FBN1: variants seen among roughly 807,000 people sequenced by gnomAD.
FBN1 encodes fibrillin-1.
FBN1 carries 29 observed loss-of-function variants against 365.1 expected under a neutral mutation model. The ratio of observed to expected loss-of-function variants is 0.08; its 90% CI spans 0.06 to 0.11. FBN1 has a LOEUF of 0.11. Among genes scored for constraint, FBN1 ranks in the 10% least tolerant of loss-of-function variants. FBN1 has a pLI of 1.00. For missense variants in FBN1, 2,476 were observed against 3,703.2 expected (o/e 0.67, Z 8.60); for synonymous variants, 1,210 against 1,270.5 (o/e 0.95, Z 1.01).
chr15:48,608,535 T>C (rs779681120), intron 4 of FBN1, among the ~76,000 whole-genome samples: 1 of 152,208 alleles, frequency 6.6e-6, no homozygotes, highest in Non-Finnish European at 1.5e-5. Context: ...TTTGCCATCT[T>C]TAATTTTGCA....
At chr15:48,444,243 T>C (rs2043137247) in intron 49 of FBN1, among the ~76,000 whole-genome samples, 2 of 152,188 alleles carry the variant, frequency 1.3e-5, no homozygotes, top group African/African-American at 2.4e-5. Flanking sequence ...AAAAATGTAG[T>C]TCGGAAATAC....
intron 6 of FBN1, among the ~76,000 whole-genome samples, chr15:48,587,328 T>C (rs991806948): frequency 1.3e-5 from 2 of 152,196 alleles, no homozygotes; most frequent in African/African-American, 4.8e-5. Flanking sequence ...GTTTCAGAAA[T>C]AGACCAGTCT....
At chr15:48,517,068 T>C (rs115691079) in intron 10 of FBN1, among the ~76,000 whole-genome samples, 3 of 152,294 alleles carry the variant, frequency 2.0e-5, no homozygotes, top group African/African-American at 7.2e-5. Flanking sequence ...GGTTGAGCAA[T>C]TGGGTGAATG....
intron 2 of FBN1, among the ~76,000 whole-genome samples, chr15:48,631,172 G>C (rs893943677): frequency 1.3e-5 from 2 of 152,166 alleles, no homozygotes; most frequent in African/African-American, 2.4e-5. Flanking sequence ...AAATCATTAA[G>C]AGAAAATTTA....
In FBN1 at chr15:48,422,025, T is replaced by A. The variant is rs148516442; in HGVS notation, c.7497A>T (p.Leu2499=). ...TGAAGCCGCCAATGGTGTTAACACA[T>A]AGGAACTGGCAGTTGTGTTGCTTGG... ...CATKQHNCQF[L]CVNTIGGFTC... The change falls in exon 61 of 66, where the codon CTA becomes CTT. Residue 2499 remains leucine (L), a synonymous_variant. Transcript: ENST00000316623. The A allele has an allele frequency of 6.2e-7, 1 of 1,614,044 alleles. No individual in the cohort carries two copies.
chr15:48,481,930 A>C (rs1356441266), intron 31 of FBN1, 150 bp from the exon 32 acceptor site: 5 of 768,136 alleles, frequency 6.5e-6, no homozygotes, highest in African/African-American at 1.7e-5. Context: ...GCCAATTTAC[A>C]TTTGCTCTTC....
At chr15:48,536,709 G>A (rs918630407) in intron 7 of FBN1, among the ~76,000 whole-genome samples, 7 of 152,260 alleles carry the variant, frequency 4.6e-5, no homozygotes, top group African/African-American at 1.2e-4. Flanking sequence ...TATCAGAAGT[G>A]GAATTTATTG....
At chr15:48,591,156 G>A (rs1416128792) in intron 6 of FBN1, among the ~76,000 whole-genome samples, 1 of 152,184 alleles carries the variant, frequency 6.6e-6, no homozygotes, top group East Asian at 1.9e-4. Flanking sequence ...TGAACCACAT[G>A]AGAAAATTAT....
At chr15:48,488,945 A>T (rs1264190247) in intron 25 of FBN1, among the ~76,000 whole-genome samples, 1 of 152,200 alleles carries the variant, frequency 6.6e-6, no homozygotes, top group African/African-American at 2.4e-5. Flanking sequence ...TGCCAAAAAT[A>T]TAAAAATTTC....
intron 31 of FBN1, among the ~76,000 whole-genome samples, chr15:48,483,458 A>G (rs1267062566): frequency 1.3e-5 from 2 of 152,258 alleles, no homozygotes; most frequent in African/African-American, 2.4e-5. Context: ...TCTAAAGTTT[A>G]CTGCATTCTT....
At chr15:48,535,524 G>C (rs2141355424) in intron 7 of FBN1, among the ~76,000 whole-genome samples, 1 of 152,240 alleles carries the variant, frequency 6.6e-6, no homozygotes, top group East Asian at 1.9e-4. Flanking sequence ...TAACAGAAAA[G>C]TCTGATTTAA....
chr15:48,604,123 T>C (rs1402983287), intron 4 of FBN1, among the ~76,000 whole-genome samples: 3 of 149,182 alleles, frequency 2.0e-5, no homozygotes, highest in African/African-American at 7.8e-5. Context: ...AAAAGAACAA[T>C]GTGAGCACGC....
At chr15:48,627,072 G>A (rs1352143964) in intron 2 of FBN1, among the ~76,000 whole-genome samples, 1 of 152,100 alleles carries the variant, frequency 6.6e-6, no homozygotes, top group East Asian at 1.9e-4. Context: ...AACATTCCAA[G>A]GTTAGTGTTA....
At chr15:48,553,116 A>G (rs2044155516) in intron 6 of FBN1, among the ~76,000 whole-genome samples, 1 of 152,156 alleles carries the variant, frequency 6.6e-6, no homozygotes, top group Admixed American at 6.5e-5. Context: ...GATACGTTCT[A>G]TTTTTTAAAT....
chr15:48,432,932 A>G lies in FBN1; in HGVS notation c.6673T>C (p.Tyr2225His). Reference protein sequence around the residue: ...LLCAFRCVNTYGSYECKCPVG... With the variant: ...LLCAFRCVNTHGSYECKCPVG... ...GGACATTTGCATTCATATGACCCAT[A>G]AGTGTTCACACATCGGAAGGCACAG... Residue 2225 changes from tyrosine (Y) to histidine (H), a missense_variant, in exon 55 of 66, where the codon TAT becomes CAT. By Grantham distance (83) the Tyr-to-His change is moderately conservative. Transcript: ENST00000316623. The G allele has an allele frequency of 6.2e-7, 1 of 1,613,592 alleles. No homozygotes were observed. Among genetic ancestry groups the G allele is most frequent in the Non-Finnish European group, 8.5e-7 (1 of 1,179,554 alleles).
Position 48,604,781 on chromosome 15 carries a change from C to T in FBN1, c.347-4547G>A, listed in dbSNP as rs60041359. On this transcript the variant is annotated intron_variant, in intron 4 of 65. Coordinates refer to ENST00000316623, the MANE Select transcript of FBN1 (RefSeq NM_000138.5). ...AGGACTTCTTCCAGACTGGCTAAAG[C>T]ACCACCTTCCCTTCCTCTGAATGTC... Among the ~76,000 whole-genome samples, 924 of 152,298 alleles carry T rather than the reference C, an allele frequency of 6.1e-3. 9 individuals carry two copies. Among genetic ancestry groups the T allele is most frequent in the African/African-American group, 0.022 (901 of 41,558 alleles).
At chr15:48,511,127 C>T (rs905289254) in intron 13 of FBN1, among the ~76,000 whole-genome samples, 4 of 152,152 alleles carry the variant, frequency 2.6e-5, no homozygotes, top group Admixed American at 1.3e-4. Context: ...CCCTAAATAT[C>T]CCCTGAACAA....
At chr15:48,620,221 T>C (rs1003752636) in intron 2 of FBN1, among the ~76,000 whole-genome samples, 1 of 152,188 alleles carries the variant, frequency 6.6e-6, no homozygotes, top group South Asian at 2.1e-4. Context: ...AGATATTCCT[T>C]ACAGAAGACT....
chr15:48,435,716 G>A (rs575853359), intron 53 of FBN1, among the ~76,000 whole-genome samples: 5 of 141,992 alleles, frequency 3.5e-5, no homozygotes, highest in African/African-American at 1.1e-4. Flanking sequence ...ATATATGTGT[G>A]TATATATATG....
Sources: allele counts gnomAD v4.1 joint callset (sites outside exome capture counted in the v4.1 genomes callset), GRCh38; gene constraint gnomAD v4.1.1; transcripts MANE v1.5; gene names NCBI Gene and HGNC (gene_info 2026-07-23, HGNC 2026-07-21).